CLCN3: variants seen among roughly 807,000 people sequenced by gnomAD.
The protein encoded by CLCN3 is H(+)/Cl(-) exchange transporter 3.
In CLCN3, 16 loss-of-function variants were observed where a neutral mutation model predicts 83.4. That is an observed-to-expected ratio of 0.19 (90% CI 0.13 to 0.29). The LOEUF is 0.29. Among genes scored for constraint, CLCN3 ranks in the 10% least tolerant of loss-of-function variants. The pLI, the probability that CLCN3 is intolerant of heterozygous loss-of-function variation, is 1.00. For missense variants in CLCN3, 544 were observed against 1,006.0 expected, an observed-to-expected ratio of 0.54 and a Z score of 6.21; for synonymous variants, 322 against 346.2, an observed-to-expected ratio of 0.93 and a Z score of 0.78.
At chr4:169,631,981 A>G (rs1382900389) in intron 1 of CLCN3, among the ~76,000 whole-genome samples, 1 of 152,156 alleles carries the variant, frequency 6.6e-6, no homozygotes, top group African/African-American at 2.4e-5. Context: ...GCTGAATTCT[A>G]TCAGATGTAC....
chr4:169,649,322 T>C (rs1730667772), intron 2 of CLCN3, among the ~76,000 whole-genome samples: 1 of 152,218 alleles, frequency 6.6e-6, no homozygotes, highest in Admixed American at 6.5e-5. Context: ...TTTGGTACTT[T>C]TCCCCAAGAG....
At chr4:169,626,623 A>G (rs1773242360) in intron 1 of CLCN3, among the ~76,000 whole-genome samples, 1 of 152,180 alleles carries the variant, frequency 6.6e-6, no homozygotes, top group African/African-American at 2.4e-5. Flanking sequence ...AGGGCAGGAA[A>G]AGGTCAGCAA....
chr4:169,646,177 C>T (rs151204762), intron 2 of CLCN3, among the ~76,000 whole-genome samples: 179 of 152,242 alleles, frequency 1.2e-3, no homozygotes, highest in African/African-American at 3.6e-3. Context: ...AATATATTGG[C>T]ATGCATAGAG....
chr4:169,668,711 C>G (rs1731345023), intron 2 of CLCN3, among the ~76,000 whole-genome samples: 1 of 150,534 alleles, frequency 6.6e-6, no homozygotes, highest in South Asian at 2.1e-4. Context: ...CGGTAGTCAG[C>G]CCTCCAAAAA....
intron 5 of CLCN3, 21 bp downstream of exon 5, chr4:169,689,251 A>G (rs373673523): frequency 5.7e-6 from 9 of 1,586,858 alleles, no homozygotes; most frequent in Non-Finnish European, 6.0e-6. Context: ...CTTTGTCTCA[A>G]GATGAATTAA....
chr4:169,691,417 A>AATC lies in CLCN3; in HGVS notation c.730-695_730-693dup, dbSNP rs1193939763. ...CATTTTATGCTTTGAGAAAGTAGTT[A>AATC]ATCACAGTGGGTCAACAGTACAAAC... On this transcript the variant is annotated intron_variant, in intron 6 of 12. Transcript: ENST00000513761. 2.7e-4 allele frequency among the ~76,000 whole-genome samples: 41 copies of AATC among 152,266 alleles called. 1 individual carries two copies. Among genetic ancestry groups the AATC allele is most frequent in the Non-Finnish European group, 4.6e-4 (31 of 68,016 alleles).
Position 169,723,258 on chromosome 4 carries a change from A to G in CLCN3, c.*3261A>G, listed in dbSNP as rs2150285699. 6.6e-6 allele frequency: 1 copy of G among 152,308 alleles called. No homozygotes were observed. The highest frequency in any genetic ancestry group is 2.1e-4 in the South Asian group (1 of 4,826). The allele number at this position is 152,308 out of a possible 1,614,324, so 9.4% of individuals were successfully genotyped here. On this transcript the variant is annotated 3_prime_UTR_variant, in exon 13 of 13. Coordinates refer to ENST00000513761, the MANE Select transcript of CLCN3 (RefSeq NM_001829.4). ...CTGCTGCCCTACGCAGTGTAGGCCG[A>G]TATGCCTGGCACAGGGAGCCCCAAA...
chr4:169,683,787 A>G (rs945571858), intron 3 of CLCN3, among the ~76,000 whole-genome samples: 1 of 149,152 alleles, frequency 6.7e-6, no homozygotes, highest in East Asian at 2.0e-4. Context: ...TCTTTTGCCC[A>G]GGCTGAAGTT....
At chr4:169,702,515 A>AT (rs576341408) in intron 9 of CLCN3, among the ~76,000 whole-genome samples, 182 of 152,258 alleles carry the variant, frequency 1.2e-3, no homozygotes, top group Non-Finnish European at 2.1e-3. Context: ...CTGTAAACAG[A>AT]TATGCTGTTA....
At chr4:169,645,150 T>C (rs551336830) in intron 2 of CLCN3, among the ~76,000 whole-genome samples, 9 of 152,318 alleles carry the variant, frequency 5.9e-5, no homozygotes, top group African/African-American at 1.9e-4. Context: ...TTTTTAACCT[T>C]GTGGACCCCT....
chr4:169,707,083 G>A lies in CLCN3; in HGVS notation c.1966G>A (p.Asp656Asn). 2 of 1,614,098 alleles carry A rather than the reference G, an allele frequency of 1.2e-6. No homozygotes were observed. Among genetic ancestry groups the A allele is most frequent in the Non-Finnish European group, 1.7e-6 (2 of 1,179,988 alleles). Residue 656 changes from aspartate to asparagine, a missense_variant, in exon 11 of 13, where the codon GAC becomes AAC. Coordinates refer to ENST00000513761, the MANE Select transcript of CLCN3 (RefSeq NM_001829.4). ...EEFTHTTLAA[D>N]VMRPRRNDPP... is the part of the protein sequence containing the mutation. Reference sequence around the variant, plus strand: ...ATTCACTCATACCACCCTGGCTGCTGACGTTATGAGACCTCGAAGGAATGA... The same window carrying A: ...ATTCACTCATACCACCCTGGCTGCTAACGTTATGAGACCTCGAAGGAATGA...
At chr4:169,683,554 C>T (rs2150242529) in intron 3 of CLCN3, among the ~76,000 whole-genome samples, 2 of 152,210 alleles carry the variant, frequency 1.3e-5, no homozygotes, top group South Asian at 2.1e-4. Context: ...AGTGTACAGT[C>T]CTTGAAAACA....
chr4:169,625,250 A>G lies in CLCN3; in HGVS notation c.-17+4187A>G, dbSNP rs567905052. 6.3e-4 allele frequency among the ~76,000 whole-genome samples: 96 copies of G among 152,254 alleles called. 1 individual carries two copies. In the South Asian group the frequency reaches 0.013, roughly 21 times the overall value. ...ATCTCTCTAGTTGCTGACATTGACA[A>G]TCTTTTTCTTCTTTCACCCAGTTTA... is the stretch of plus-strand genomic sequence containing the variant. On this transcript the variant is annotated intron_variant, in intron 1 of 12. Transcript: ENST00000513761.
intron 2 of CLCN3, among the ~76,000 whole-genome samples, chr4:169,677,815 T>C (rs1265314138): frequency 1.3e-5 from 2 of 152,248 alleles, no homozygotes; most frequent in African/African-American, 4.8e-5. Context: ...TAGAGGGAAA[T>C]GATATTGTGG....
intron 3 of CLCN3, among the ~76,000 whole-genome samples, chr4:169,680,979 G>A (rs1284350916): frequency 6.6e-6 from 1 of 152,116 alleles, no homozygotes; most frequent in African/African-American, 2.4e-5. Flanking sequence ...CTCCTGAGTA[G>A]CTGAGACTAC....
chr4:169,700,819 A>G (rs184284527), intron 9 of CLCN3, among the ~76,000 whole-genome samples: 1 of 152,318 alleles, frequency 6.6e-6, no homozygotes, highest in African/African-American at 2.4e-5. Context: ...GTACAATAGC[A>G]TTATGTCTTT....
intron 12 of CLCN3, among the ~76,000 whole-genome samples, chr4:169,714,486 G>A (rs1346773608): frequency 6.6e-6 from 1 of 152,112 alleles, no homozygotes; most frequent in Non-Finnish European, 1.5e-5. Context: ...TAAAGCTCAA[G>A]AAGCTTTAAT....
chr4:169,679,483 C>T lies in CLCN3; in HGVS notation c.161-567C>T, dbSNP rs1176939263. 4.0e-5 allele frequency among the ~76,000 whole-genome samples: 6 copies of T among 151,504 alleles called. No individual in the cohort carries two copies. The East Asian group carries it at 5.9e-4, about 15-fold the overall frequency. ...GCAGAGACGCTCCTCACTTCCTAGACGGGGTGGCGGCCGGGCAGAGGCTGC... is the reference window on the plus strand; with the variant it reads ...GCAGAGACGCTCCTCACTTCCTAGATGGGGTGGCGGCCGGGCAGAGGCTGC... On this transcript the variant is annotated intron_variant, in intron 2 of 12. Coordinates refer to ENST00000513761, the MANE Select transcript of CLCN3 (RefSeq NM_001829.4).
intron 2 of CLCN3, among the ~76,000 whole-genome samples, chr4:169,647,809 T>C (rs1730618839): frequency 6.6e-6 from 1 of 152,178 alleles, no homozygotes; most frequent in African/African-American, 2.4e-5. Flanking sequence ...CCCTTGAGGG[T>C]GGACTGGACT....
Sources: allele counts gnomAD v4.1 joint callset (sites outside exome capture counted in the v4.1 genomes callset), GRCh38; gene constraint gnomAD v4.1.1; transcripts MANE v1.5; gene names NCBI Gene and HGNC (gene_info 2026-07-23, HGNC 2026-07-21).